The following MAPK7 variants were observed in gnomAD, a reference collection of about 807,000 sequenced individuals.
MAPK7 encodes mitogen-activated protein kinase 7, also known as BMK-1.
In MAPK7, 30 loss-of-function variants were observed where a neutral mutation model predicts 56.9. That is an observed-to-expected ratio of 0.53 (90% CI 0.39 to 0.72). The LOEUF is 0.72. Ranked by LOEUF, MAPK7 falls within the 30% of genes least tolerant of loss-of-function variation. The probability of loss-of-function intolerance (pLI) is 0.00; values close to 1 mark genes in which losing one functional copy is unlikely to be tolerated. For missense variants in MAPK7, 952 were observed against 1,110.8 expected, an observed-to-expected ratio of 0.86 and a Z score of 2.03; for synonymous variants, 516 against 449.3, an observed-to-expected ratio of 1.15 and a Z score of -1.88.
intron 2 of MAPK7, chr17:19,379,392 C>T (rs1394579609): frequency 5.2e-6 from 3 of 577,190 alleles, no homozygotes; most frequent in East Asian, 5.8e-5. Flanking sequence ...GAGAGCCAGT[C>T]CTTCGTGTCT....
chr17:19,380,355 G>C, intron 3 of MAPK7: 3 of 937,716 alleles, frequency 3.2e-6, no homozygotes, highest in Non-Finnish European at 3.0e-6. Context: ...GCCAGCCCTG[G>C]TGTAGTCCAA....
upstream of MAPK7, chr17:19,378,337 G>A (rs1352746025): frequency 1.0e-5 from 10 of 988,094 alleles, no homozygotes; most frequent in Admixed American, 6.1e-5. The surrounding 1 kb of genome is among the most constrained non-coding windows in gnomAD (Gnocchi z 5.4). Flanking sequence ...TCCCGCCGGC[G>A]AGCTGGACAG....
In MAPK7 at chr17:19,382,039, C is replaced by T. The variant is rs1325633980; in HGVS notation, c.1736C>T (p.Ala579Val). ...CGCTGGACTCGAATGGCCCGGCCCG[C>T]AGCCCCAGCCCTCACCTCTGTGCCG... Reference protein sequence around the residue: ...LERWTRMARPAAPALTSVPAP... With the variant: ...LERWTRMARPVAPALTSVPAP... Residue 579 changes from alanine to valine, a missense_variant, in exon 5 of 7, where the codon GCA becomes GTA. By Grantham distance (64) the Ala-to-Val change is moderately conservative. This residue lies in a region of MAPK7 where 234 missense variants were observed against 210.4 expected (regional missense o/e 1.11). Transcript: ENST00000395604. 5.1e-6 allele frequency: 8 copies of T among 1,570,018 alleles called. No individual in the cohort carries two copies. Among genetic ancestry groups the T allele is most frequent in the Non-Finnish European group, 6.9e-6 (8 of 1,158,262 alleles).
rs932176213 is a variant in MAPK7 at position 19,379,260 on chromosome 17, G to A, written c.232+128G>A. 1.5e-5 allele frequency: 12 copies of A among 822,536 alleles called. No homozygotes were observed. The African/African-American group carries it at 2.1e-4, about 14-fold the overall frequency. The allele number at this position is 822,536 out of a possible 1,614,324, so 51.0% of individuals were successfully genotyped here. ...GGCTCCAGTCAACACACACTGACCAGGGCCTTCTGCCTGCCAGGCTCCGGG... is the reference window on the plus strand; with the variant it reads ...GGCTCCAGTCAACACACACTGACCAAGGCCTTCTGCCTGCCAGGCTCCGGG... On this transcript the variant is annotated intron_variant, in intron 2 of 6. Coordinates refer to ENST00000395604, the MANE Select transcript of MAPK7 (RefSeq NM_002749.4).
Position 19,382,383 on chromosome 17 carries a change from C to T in MAPK7, c.2080C>T (p.Pro694Ser). The change falls in exon 5 of 7, where the codon CCA (proline) becomes TCA (serine). Residue 694 changes from proline to serine, a missense_variant. Coordinates refer to ENST00000395604, the MANE Select transcript of MAPK7 (RefSeq NM_002749.4). Reference protein sequence around the residue: ...LPYFPPGLPPPDAGGAPQSSM... With the variant: ...LPYFPPGLPPSDAGGAPQSSM... The stretch of plus-strand genomic sequence containing the variant: ...TTACTTCCCACCTGGCCTGCCGCCC[C>T]CAGACGCCGGGGGAGCCCCTCAGTC... The T allele has an allele frequency of 6.2e-7, 1 of 1,613,528 alleles. No homozygotes were observed. The highest frequency in any genetic ancestry group is 1.3e-5 in the African/African-American group (1 of 75,080).
At chr17:19,380,249 T>C (rs2152291720) in intron 3 of MAPK7, 2 of 502,018 alleles carry the variant, frequency 4.0e-6, no homozygotes, top group South Asian at 5.7e-5. Flanking sequence ...CAGAACACTT[T>C]CCTACAGACA....
In MAPK7 at chr17:19,382,374, C is replaced by A; in HGVS notation, c.2071C>A (p.Leu691Met). 1 of 1,613,600 alleles carries A rather than the reference C, an allele frequency of 6.2e-7. No homozygotes were observed. The highest frequency in any genetic ancestry group is 8.5e-7 in the Non-Finnish European group (1 of 1,180,026). ...PGVLPYFPPG[L>M]PPPDAGGAPQ... ...AGTTTTGCCTTACTTCCCACCTGGC[C>A]TGCCGCCCCCAGACGCCGGGGGAGC... Residue 691 changes from leucine to methionine, a missense_variant, in exon 5 of 7, where the codon CTG becomes ATG. Leu to Met is a conservative substitution (Grantham distance 15, BLOSUM62 2). Around this residue, in one of 5 missense-constraint regions of MAPK7, gnomAD observed 234 missense variants for 210.4 expected, o/e 1.11. Transcript: ENST00000395604.
upstream of MAPK7, chr17:19,378,364 T>C (rs995306368): frequency 6.1e-6 from 6 of 988,054 alleles, no homozygotes; most frequent in African/African-American, 8.7e-5. The surrounding 1 kb of genome is among the most constrained non-coding windows in gnomAD (Gnocchi z 5.4). Flanking sequence ...GCGCCAGGCG[T>C]GGCTTTCTCG....
chr17:19,378,668 C>A lies in MAPK7; in HGVS notation c.-6+38C>A. 1 of 1,411,780 alleles carries A rather than the reference C, an allele frequency of 7.1e-7. No individual in the cohort carries two copies. Among genetic ancestry groups the A allele is most frequent in the Non-Finnish European group, 9.2e-7 (1 of 1,087,426 alleles). 87.5% of individuals were successfully genotyped at this position (1,411,780 alleles called of 1,614,324 possible). A position where few individuals can be genotyped will look rare whatever the true frequency, so the allele number is the denominator to read the frequency against. On this transcript the variant is annotated intron_variant, in intron 1 of 6. Coordinates refer to ENST00000395604, the MANE Select transcript of MAPK7 (RefSeq NM_002749.4). The surrounding 1 kb of genome is among the most constrained non-coding windows in gnomAD (Gnocchi z 5.4). ...CTGAGGAAACCCAGGTGCCCCGCCCCTCCCTTTCTTCCTGGCCCGCGCCTC... is the reference window on the plus strand; with the variant it reads ...CTGAGGAAACCCAGGTGCCCCGCCCATCCCTTTCTTCCTGGCCCGCGCCTC...
At position 19,382,237 on chromosome 17, in the gene MAPK7, C is replaced by T. The variant is rs754008504; in HGVS notation, c.1934C>T (p.Pro645Leu). ...PPGPAPHPTG[P>L]PGPIPVPAPP... ...GGCCCTGCACCCCACCCCACTGGCC[C>T]TCCTGGGCCCATCCCTGTCCCCGCG... is the stretch of plus-strand genomic sequence containing the variant. Residue 645 changes from proline to leucine, a missense_variant, in exon 5 of 7, where the codon CCT becomes CTT. By Grantham distance (98) the Pro-to-Leu change is moderately conservative. Coordinates refer to ENST00000395604, the MANE Select transcript of MAPK7 (RefSeq NM_002749.4). 6.2e-7 allele frequency: 1 copy of T among 1,611,910 alleles called. No homozygotes were observed. The highest frequency in any genetic ancestry group is 2.2e-5 in the East Asian group (1 of 44,842).
Position 19,382,213 on chromosome 17 carries a change from G to A in MAPK7, c.1910G>A (p.Gly637Asp), listed in dbSNP as rs1912764313. ...PVPQPACPPP[G>D]PAPHPTGPPG... ...CCCCAGCCTGCCTGCCCACCCCCTG[G>A]CCCTGCACCCCACCCCACTGGCCCT... The change falls in exon 5 of 7, where the codon GGC becomes GAC. Residue 637 changes from glycine to aspartate, a missense_variant. Physicochemically the swap from Gly to Asp is moderately conservative, Grantham distance 94. Coordinates refer to ENST00000395604, the MANE Select transcript of MAPK7 (RefSeq NM_002749.4). 5 of 1,610,870 alleles carry A rather than the reference G, an allele frequency of 3.1e-6. No homozygotes were observed. The South Asian group carries it at 5.5e-5, about 18-fold the overall frequency.
Position 19,378,642 on chromosome 17 carries a change from C to T in MAPK7, c.-6+12C>T. On this transcript the variant is annotated intron_variant, in intron 1 of 6. Coordinates refer to ENST00000395604, the MANE Select transcript of MAPK7 (RefSeq NM_002749.4). The surrounding 1 kb of genome is among the most constrained non-coding windows in gnomAD (Gnocchi z 5.4). ...GAGGAGGCGCGGGGGTGAGTGCGGC[C>T]CTGAGGAAACCCAGGTGCCCCGCCC... is the stretch of plus-strand genomic sequence containing the variant. The T allele has an allele frequency of 6.4e-6, 9 of 1,398,472 alleles. No individual in the cohort carries two copies. The highest frequency in any genetic ancestry group is 8.3e-6 in the Non-Finnish European group (9 of 1,079,068). The allele number at this position is 1,398,472 out of a possible 1,614,324, so 86.6% of individuals were successfully genotyped here.
At position 19,382,301 on chromosome 17, in the gene MAPK7, C is replaced by G; in HGVS notation, c.1998C>G (p.Ala666=). The part of the protein sequence containing the change: ...QIATSTSLLA[A]QSLVPPPGLP... ...CCACCTCCACCAGCCTCCTGGCTGCCCAGTCACTTGTGCCACCCCCTGGGC... is the reference window on the plus strand; with the variant it reads ...CCACCTCCACCAGCCTCCTGGCTGCGCAGTCACTTGTGCCACCCCCTGGGC... The change falls in exon 5 of 7, where the codon GCC becomes GCG. Residue 666 remains alanine, a synonymous_variant. Coordinates refer to ENST00000395604, the MANE Select transcript of MAPK7 (RefSeq NM_002749.4). 1 of 1,613,226 alleles carries G rather than the reference C, an allele frequency of 6.2e-7. No homozygotes were observed. The highest frequency in any genetic ancestry group is 1.3e-5 in the African/African-American group (1 of 75,056).
Position 19,379,056 on chromosome 17 carries a change from C to A in MAPK7, c.156C>A (p.Gly52=). 2 of 1,614,110 alleles carry A rather than the reference C, an allele frequency of 1.2e-6. No homozygotes were observed. The highest frequency in any genetic ancestry group is 1.7e-5 in the Admixed American group (1 of 60,018). ...CCTTCGATGTGACCTTTGACGTGGGCGACGAGTACGAGATCATCGAGACCA... is the reference window on the plus strand; with the variant it reads ...CCTTCGATGTGACCTTTGACGTGGGAGACGAGTACGAGATCATCGAGACCA... ...ARSFDVTFDV[G]DEYEIIETIG... is the part of the protein sequence containing the mutation. The change falls in exon 2 of 7, where the codon GGC becomes GGA. Residue 52 remains glycine (G), a synonymous_variant. Coordinates refer to ENST00000395604, the MANE Select transcript of MAPK7 (RefSeq NM_002749.4).
Position 19,380,562 on chromosome 17 carries a change from G to T in MAPK7, c.399-46G>T, listed in dbSNP as rs200304873. 14 of 1,549,644 alleles carry T rather than the reference G, an allele frequency of 9.0e-6. No homozygotes were observed. The East Asian group carries it at 2.7e-4, about 30-fold the overall frequency. ...GGTGAGGATGGGGCTTGTCCCTGGAGTGTGATCAGGCCAACCCATGCTTCT... is the reference window on the plus strand; with the variant it reads ...GGTGAGGATGGGGCTTGTCCCTGGATTGTGATCAGGCCAACCCATGCTTCT... On this transcript the variant is annotated intron_variant, in intron 3 of 6. Coordinates refer to ENST00000395604, the MANE Select transcript of MAPK7 (RefSeq NM_002749.4).
rs866358899 is a variant in MAPK7 at position 19,378,800 on chromosome 17, G to A, written c.-5-96G>A. ...CGCGCTTCTGCCCTTGTCGGTTTAG[G>A]AAACTGGGAAGTTCCCTGGTCCTGC... On this transcript the variant is annotated intron_variant, in intron 1 of 6. Coordinates refer to ENST00000395604, the MANE Select transcript of MAPK7 (RefSeq NM_002749.4). This position sits in a 1 kb window ranked among gnomAD's most constrained non-coding sequence, Gnocchi z 5.4. The A allele has an allele frequency of 1.4e-5, 19 of 1,325,860 alleles. No individual in the cohort carries two copies. The Middle Eastern group carries it at 1.2e-3, about 84-fold the overall frequency. The allele number at this position is 1,325,860 out of a possible 1,614,324, so 82.1% of individuals were successfully genotyped here.
Position 19,383,095 on chromosome 17 carries a change from C to T in MAPK7, c.2315C>T (p.Ser772Phe). The T allele has an allele frequency of 6.2e-7, 1 of 1,614,170 alleles. No individual in the cohort carries two copies. The change falls in exon 7 of 7, where the codon TCT becomes TTT. Residue 772 changes from serine (S) to phenylalanine (F), a missense_variant. This residue lies in a region of MAPK7 where 73 missense variants were observed against 104.6 expected (regional missense o/e 0.70). Coordinates refer to ENST00000395604, the MANE Select transcript of MAPK7 (RefSeq NM_002749.4). ...CCCTGCAGCCAGGCAGATTCAGCCT[C>T]TCTCTCAGCCTCCCTGCTTGCTGAC... ...GPQDGQADSA[S>F]LSASLLADWL...
Position 19,378,778 on chromosome 17 carries a change from G to A in MAPK7, c.-5-118G>A. On this transcript the variant is annotated intron_variant, in intron 1 of 6. Coordinates refer to ENST00000395604, the MANE Select transcript of MAPK7 (RefSeq NM_002749.4). The surrounding 1 kb of genome is among the most constrained non-coding windows in gnomAD (Gnocchi z 5.4). The stretch of plus-strand genomic sequence containing the variant: ...CTAGTCTGCCACGAACCAGCCGCGC[G>A]CTTCTGCCCTTGTCGGTTTAGGAAA... The A allele has an allele frequency of 3.9e-6, 5 of 1,278,962 alleles. No homozygotes were observed. The highest frequency in any genetic ancestry group is 5.2e-6 in the Non-Finnish European group (5 of 956,810). 79.2% of individuals were successfully genotyped at this position (1,278,962 alleles called of 1,614,324 possible).
upstream of MAPK7, chr17:19,377,842 G>C (rs1912226198): frequency 1.0e-6 from 1 of 985,290 alleles, no homozygotes; most frequent in African/African-American, 1.7e-5. Context: ...ACAGACAAAC[G>C]AGCGGAGGGA....
Sources: gnomAD v4.1 joint callset for allele counts on GRCh38, gnomAD v4.1.1 for gene constraint, gnomAD v4.1.1 regional missense constraint, Gnocchi (gnomAD v3.1) non-coding constraint, MANE v1.5 for transcripts, NCBI Gene and HGNC (gene_info 2026-07-23, HGNC 2026-07-21) for gene names.